Variants in ZNF385D observed in about 807,000 individuals in gnomAD.
ZNF385D encodes zinc finger protein 659.
Under a neutral mutation model 35.8 loss-of-function variants are expected in ZNF385D, and 15 were observed. The ratio of observed to expected loss-of-function variants is 0.42; its 90% CI spans 0.28 to 0.64. The LOEUF (loss-of-function observed/expected upper bound fraction) is 0.64. ZNF385D is among the 30% of genes least tolerant of loss of function. ZNF385D has a pLI of 0.23. For synonymous variants in ZNF385D, 212 were observed against 186.8 expected (o/e 1.13, Z -1.10); for missense variants, 474 against 494.6 (o/e 0.96, Z 0.39).
chr3:21,447,357 G>GAA (rs11424525), intron 4 of ZNF385D, among the ~76,000 whole-genome samples: 11 of 151,934 alleles, frequency 7.2e-5, no homozygotes, highest in East Asian at 3.9e-4. Context: ...AGGGCAGAAT[G>GAA]AAAAAAAAGC....
At chr3:21,906,148 G>A (rs1699674701) in intron 3 of ZNF385D, among the ~76,000 whole-genome samples, 1 of 152,128 alleles carries the variant, frequency 6.6e-6, no homozygotes, top group Admixed American at 6.6e-5. Context: ...TTTCCCCATG[G>A]ACTGTTACTT....
chr3:21,601,865 A>G (rs2125763931), intron 2 of ZNF385D, among the ~76,000 whole-genome samples: 1 of 152,228 alleles, frequency 6.6e-6, no homozygotes, highest in East Asian at 1.9e-4. Context: ...CATGTCTCCA[A>G]CTGGAGCACT....
intron 3 of ZNF385D, among the ~76,000 whole-genome samples, chr3:22,114,079 A>G (rs1249531625): frequency 6.6e-6 from 1 of 152,140 alleles, no homozygotes; most frequent in Non-Finnish European, 1.5e-5. Flanking sequence ...GTGAGAAAAC[A>G]TAAATCATAT....
intron 3 of ZNF385D, among the ~76,000 whole-genome samples, chr3:22,127,932 C>T (rs1177228073): frequency 6.6e-6 from 1 of 152,114 alleles, no homozygotes; most frequent in African/African-American, 2.4e-5. Context: ...AGTTTACATA[C>T]CAGAACTGCA....
rs571960383 is a variant in ZNF385D at position 21,559,625 on chromosome 3, A to T, written c.276+4949T>A. Among the ~76,000 whole-genome samples the T allele has an allele frequency of 1.3e-4, 20 of 152,094 alleles. No individual in the cohort carries two copies. The East Asian group carries it at 3.7e-3, about 28-fold the overall frequency. ...CTTCATTTCAACCTTAGTGAATCTG[A>T]TGATTATGTGTCTTGGGGTTGCTCT... On this transcript the variant is annotated intron_variant, in intron 3 of 7. Transcript: ENST00000281523.
chr3:22,127,630 G>A (rs1446269291), intron 3 of ZNF385D, among the ~76,000 whole-genome samples: 6 of 151,924 alleles, frequency 3.9e-5, no homozygotes, highest in South Asian at 4.1e-4. Context: ...GTGAGCCACC[G>A]TGCCTGGCCC....
intron 2 of ZNF385D, among the ~76,000 whole-genome samples, chr3:22,359,411 C>T (rs770889398): frequency 1.3e-5 from 2 of 151,704 alleles, no homozygotes; most frequent in Non-Finnish European, 2.9e-5. Flanking sequence ...CAAAGTCTTC[C>T]TCGAATATTT....
rs560524932 is a variant in ZNF385D at position 22,328,354 on chromosome 3, AT to A, written c.106+44095del. Among the ~76,000 whole-genome samples the A allele has an allele frequency of 3.0e-3, 455 of 152,264 alleles. 3 individuals are homozygous for A. The highest frequency in any genetic ancestry group is 9.0e-3 in the African/African-American group (376 of 41,556). ...AATTTTACAATTCTGATTATAAAAA[AT>A]TTAACATAATTTAATGATTCAGTAT... On this transcript the variant is annotated intron_variant, in intron 2 of 5. Transcript: ENST00000494108.
At chr3:21,980,482 C>T (rs1694369453) in intron 3 of ZNF385D, among the ~76,000 whole-genome samples, 1 of 152,064 alleles carries the variant, frequency 6.6e-6, no homozygotes, top group Non-Finnish European at 1.5e-5. Flanking sequence ...GTCATATGAA[C>T]TTATAAAACA....
intron 3 of ZNF385D, among the ~76,000 whole-genome samples, chr3:21,903,987 C>A (rs1381847693): frequency 6.6e-6 from 1 of 152,018 alleles, no homozygotes; most frequent in African/African-American, 2.4e-5. Flanking sequence ...AGGTTTGCAT[C>A]CCCATATGTG....
chr3:21,888,534 G>A (rs995528812), intron 3 of ZNF385D, among the ~76,000 whole-genome samples: 4 of 152,214 alleles, frequency 2.6e-5, no homozygotes, highest in Admixed American at 1.3e-4. Context: ...AGGAACAACC[G>A]AGAGTTTATT....
At chr3:21,603,685 G>C (rs1169132138) in intron 2 of ZNF385D, among the ~76,000 whole-genome samples, 1 of 152,022 alleles carries the variant, frequency 6.6e-6, no homozygotes, top group Non-Finnish European at 1.5e-5. Context: ...AATTATGAAA[G>C]TATAACAAAA....
intron 3 of ZNF385D, among the ~76,000 whole-genome samples, chr3:22,094,829 G>A (rs1022385283): frequency 1.3e-5 from 2 of 152,030 alleles, no homozygotes; most frequent in African/African-American, 4.8e-5. Flanking sequence ...CCTCACAGCT[G>A]AGTGGAAAAT....
intron 3 of ZNF385D, among the ~76,000 whole-genome samples, chr3:21,993,826 T>G (rs1695298776): frequency 6.6e-6 from 1 of 152,176 alleles, no homozygotes; most frequent in Admixed American, 6.5e-5. Context: ...ACATAATGTT[T>G]CAGTGTTTCT....
chr3:22,284,931 T>C (rs1293736041), intron 2 of ZNF385D, among the ~76,000 whole-genome samples: 1 of 152,080 alleles, frequency 6.6e-6, no homozygotes, highest in Non-Finnish European at 1.5e-5. Flanking sequence ...AGGAAAGAAG[T>C]AGCATCAACA....
chr3:22,096,165 G>T (rs1701612063), intron 3 of ZNF385D, among the ~76,000 whole-genome samples: 1 of 151,784 alleles, frequency 6.6e-6, no homozygotes, highest in African/African-American at 2.4e-5. Context: ...AGAGGGGGAA[G>T]GGAGGGCAGG....
rs1696491943 is a variant in ZNF385D at position 22,363,135 on chromosome 3, T to C, written c.106+9315A>G. 2.0e-5 allele frequency among the ~76,000 whole-genome samples: 3 copies of C among 150,326 alleles called. No individual in the cohort carries two copies. In the South Asian group the frequency reaches 6.4e-4, roughly 32 times the overall value. On this transcript the variant is annotated intron_variant, in intron 2 of 5. Transcript: ENST00000494108. ...CAGGCAAGAGAGTGTATCTCTGAGATGGCAGCAGAGGGCAAGGTCTACCAC... is the reference window on the plus strand; with the variant it reads ...CAGGCAAGAGAGTGTATCTCTGAGACGGCAGCAGAGGGCAAGGTCTACCAC...
intron 2 of ZNF385D, among the ~76,000 whole-genome samples, chr3:21,597,493 GGAGA>G (rs1314303947): frequency 5.3e-5 from 8 of 152,060 alleles, no homozygotes; most frequent in African/African-American, 1.9e-4. Flanking sequence ...AATTTATAAA[GGAGA>G]AAGAGAGAAT....
At chr3:21,884,159 C>G (rs927330637) in intron 3 of ZNF385D, among the ~76,000 whole-genome samples, 1 of 151,936 alleles carries the variant, frequency 6.6e-6, no homozygotes, top group Non-Finnish European at 1.5e-5. Context: ...AGTTTGGAAC[C>G]TGAAATCTAT....
Sources: gnomAD v4.1 joint callset for allele counts (sites outside exome capture counted in the v4.1 genomes callset) on GRCh38, gnomAD v4.1.1 for gene constraint, MANE v1.5 for transcripts, NCBI Gene and HGNC (gene_info 2026-07-23, HGNC 2026-07-21) for gene names.